Variants in PSMD14 observed in about 807,000 individuals in gnomAD.
PSMD14 encodes the protein proteasome 26S subunit, non-ATPase 14.
Under a neutral mutation model 41.2 loss-of-function variants are expected in PSMD14, and 7 were observed. That is an observed-to-expected ratio of 0.17 (90% CI 0.10 to 0.32). The LOEUF (loss-of-function observed/expected upper bound fraction) is 0.32. Among genes scored for constraint, PSMD14 ranks in the 10% least tolerant of loss-of-function variants. The pLI, the probability that PSMD14 is intolerant of heterozygous loss-of-function variation, is 1.00. For synonymous variants in PSMD14, 114 were observed against 122.3 expected, an observed-to-expected ratio of 0.93 and a Z score of 0.45; for missense variants, 139 against 375.6, an observed-to-expected ratio of 0.37 and a Z score of 5.21.
At chr2:161,373,143 A>G (rs1176948962) in intron 7 of PSMD14, among the ~76,000 whole-genome samples, 1 of 151,832 alleles carries the variant, frequency 6.6e-6, no homozygotes, top group African/African-American at 2.4e-5. Flanking sequence ...CATTATTTCT[A>G]ATTAATTGTA....
At chr2:161,342,638 A>G (rs1285750966) in intron 3 of PSMD14, among the ~76,000 whole-genome samples, 2 of 151,838 alleles carry the variant, frequency 1.3e-5, no homozygotes, top group Non-Finnish European at 2.9e-5. Context: ...TTTAAAATCC[A>G]GTCATAGTCT....
At chr2:161,355,645 A>G (rs911699390) in intron 3 of PSMD14, among the ~76,000 whole-genome samples, 2 of 152,168 alleles carry the variant, frequency 1.3e-5, no homozygotes, top group Admixed American at 6.5e-5. Flanking sequence ...TTGGCAACCA[A>G]TCATCAGACT....
At chr2:161,382,429 A>G (rs936196221) in intron 7 of PSMD14, 2 of 151,878 alleles carry the variant, frequency 1.3e-5, no homozygotes, top group African/African-American at 4.8e-5. Flanking sequence ...GAGAAATTAT[A>G]AACTATCATA....
At position 161,357,076 on chromosome 2, in the gene PSMD14, C is replaced by CTTTTTTTTTT. The variant is rs71281822; in HGVS notation, c.49-10399_49-10390dup. On this transcript the variant is annotated intron_variant, in intron 3 of 11. Coordinates refer to ENST00000409682, the MANE Select transcript of PSMD14 (RefSeq NM_005805.6). ...TTTATGCTGTTATAATGGCAAATGC[C>CTTTTTTTTTT]TTTTTTTTTTTTAGCACTTAGTCAA... is the stretch of plus-strand genomic sequence containing the variant. Among the ~76,000 whole-genome samples the CTTTTTTTTTT allele has an allele frequency of 1.5e-4, 19 of 124,188 alleles. 1 individual carries two copies. The highest frequency in any genetic ancestry group is 5.5e-4 in the East Asian group (2 of 3,628). The allele number at this position is 124,188 out of a possible 152,430, so 81.5% of individuals were successfully genotyped here.
intron 3 of PSMD14, among the ~76,000 whole-genome samples, chr2:161,367,215 G>A (rs1683370968): frequency 1.3e-5 from 2 of 152,284 alleles, no homozygotes; most frequent in South Asian, 4.1e-4. Context: ...TTATAGCCAT[G>A]TTGTAGCCAA....
intron 7 of PSMD14, among the ~76,000 whole-genome samples, chr2:161,375,277 T>G (rs1362969578): frequency 1.3e-5 from 2 of 152,032 alleles, no homozygotes; most frequent in African/African-American, 4.8e-5. Context: ...GCCAATTATA[T>G]ACTGATAACC....
intron 4 of PSMD14, 41 bp downstream of exon 4, chr2:161,367,590 T>A: frequency 6.6e-7 from 1 of 1,511,830 alleles, no homozygotes; most frequent in Non-Finnish European, 9.0e-7. Context: ...AGAACTCTGT[T>A]GCTTTCACTG....
chr2:161,357,975 G>A (rs1016882078), intron 3 of PSMD14, among the ~76,000 whole-genome samples: 1 of 151,068 alleles, frequency 6.6e-6, no homozygotes, highest in Non-Finnish European at 1.5e-5. Context: ...TTCACATACT[G>A]TATAAGCTGA....
chr2:161,364,078 G>A (rs538983079), intron 3 of PSMD14, among the ~76,000 whole-genome samples: 2 of 152,308 alleles, frequency 1.3e-5, no homozygotes, highest in Admixed American at 1.3e-4. Flanking sequence ...GCTCTTAGCA[G>A]ATGGGGGAGC....
At position 161,341,869 on chromosome 2, in the gene PSMD14, A is replaced by ATAT. The variant is rs1559042630; in HGVS notation, c.48+22996_48+22997insTAT. ...AAAAAAAAAAATTAAAATTAAAAAA[A>ATAT]ATATATATGTATATATAAATTTGTG... On this transcript the variant is annotated intron_variant, in intron 3 of 11. Coordinates refer to ENST00000409682, the MANE Select transcript of PSMD14 (RefSeq NM_005805.6). Among the ~76,000 whole-genome samples the ATAT allele has an allele frequency of 2.9e-5, 4 of 137,280 alleles. 1 individual carries two copies. Among genetic ancestry groups the ATAT allele is most frequent in the South Asian group, 4.8e-4 (2 of 4,172 alleles). 90.1% of individuals were successfully genotyped at this position (137,280 alleles called of 152,430 possible).
chr2:161,362,512 A>T (rs1369062163), intron 3 of PSMD14, among the ~76,000 whole-genome samples: 4 of 152,134 alleles, frequency 2.6e-5, no homozygotes, highest in African/African-American at 9.7e-5. Flanking sequence ...GCTCAAGTGG[A>T]TCTTTTATTC....
chr2:161,382,804 C>G (rs1683585709), intron 7 of PSMD14: 1 of 151,674 alleles, frequency 6.6e-6, no homozygotes, highest in Admixed American at 6.6e-5. Flanking sequence ...AATTTAATGT[C>G]TATATACTTC....
intron 10 of PSMD14, among the ~76,000 whole-genome samples, chr2:161,399,619 A>C (rs528318849): frequency 7.8e-4 from 119 of 152,260 alleles, no homozygotes; most frequent in African/African-American, 2.5e-3. Flanking sequence ...AAATAAGTTG[A>C]GCAAAAGAGA....
intron 10 of PSMD14, among the ~76,000 whole-genome samples, chr2:161,395,857 A>G (rs1419958625): frequency 1.3e-5 from 2 of 152,242 alleles, no homozygotes; most frequent in Non-Finnish European, 2.9e-5. Context: ...CAAGCTTCTA[A>G]ATAACCAGGG....
chr2:161,309,135 C>T (rs772193008), intron 1 of PSMD14, among the ~76,000 whole-genome samples: 8 of 152,194 alleles, frequency 5.3e-5, no homozygotes, highest in Non-Finnish European at 1.0e-4. Context: ...ACAAAGTGTG[C>T]TACTATGGCT....
chr2:161,348,815 T>C (rs1313482847), intron 3 of PSMD14, among the ~76,000 whole-genome samples: 1 of 152,244 alleles, frequency 6.6e-6, no homozygotes, highest in African/African-American at 2.4e-5. Context: ...TTTTATTTCA[T>C]AGGCTGGGTG....
chr2:161,402,667 TGAAAA>T (rs1281864355), intron 10 of PSMD14, among the ~76,000 whole-genome samples: 1 of 138,432 alleles, frequency 7.2e-6, no homozygotes, highest in Non-Finnish European at 1.6e-5. Context: ...AAAACAAAAA[TGAAAA>T]GAAAGTATAC....
At chr2:161,326,187 C>T (rs755943472) in intron 3 of PSMD14, among the ~76,000 whole-genome samples, 9 of 152,106 alleles carry the variant, frequency 5.9e-5, no homozygotes, top group African/African-American at 9.7e-5. Context: ...CCCACCACCA[C>T]GCCCGGCTAA....
intron 3 of PSMD14, among the ~76,000 whole-genome samples, chr2:161,362,671 C>T (rs1005902350): frequency 6.6e-6 from 1 of 152,120 alleles, no homozygotes; most frequent in Non-Finnish European, 1.5e-5. Flanking sequence ...TGAAGATTTG[C>T]TTCATTGTTT....
Sources: allele counts gnomAD v4.1 joint callset (sites outside exome capture counted in the v4.1 genomes callset), GRCh38; gene constraint gnomAD v4.1.1; transcripts MANE v1.5; gene names NCBI Gene and HGNC (gene_info 2026-07-23, HGNC 2026-07-21).